IGSF9B: variants seen among roughly 807,000 people sequenced by gnomAD.
IGSF9B encodes immunoglobulin superfamily member 9B, also known as protein turtle homolog B.
A neutral mutation model predicts 143.7 loss-of-function variants in IGSF9B; 48 were observed. The ratio of observed to expected loss-of-function variants is 0.33; its 90% CI spans 0.26 to 0.42. The LOEUF (loss-of-function observed/expected upper bound fraction) is 0.42, where lower values mean the gene tolerates loss of function less well. Ranked by LOEUF, IGSF9B falls within the 20% of genes least tolerant of loss-of-function variation. The pLI, the probability that IGSF9B is intolerant of heterozygous loss-of-function variation, is 1.00. For missense variants in IGSF9B, 1,706 were observed against 1,980.0 expected, an observed-to-expected ratio of 0.86 and a Z score of 2.63; for synonymous variants, 903 against 833.1, an observed-to-expected ratio of 1.08 and a Z score of -1.44.
In IGSF9B at chr11:133,904,464, T is replaced by C. The variant is rs1203975052; in HGVS notation, c.*4605A>G. On this transcript the variant is annotated 3_prime_UTR_variant, in exon 20 of 20. Transcript: ENST00000533871. ...CTAATTCTAGAAGAAGCAAGGAAGA[T>C]CTAGCTAAGAAGCAAGACCTCTCCC... Among the ~76,000 whole-genome samples, 2 of 152,062 alleles carry C rather than the reference T, an allele frequency of 1.3e-5. No individual in the cohort carries two copies. The highest frequency in any genetic ancestry group is 4.8e-5 in the African/African-American group (2 of 41,394).
Position 133,944,257 on chromosome 11 carries a change from G to T in IGSF9B, c.372C>A (p.Thr124=), listed in dbSNP as rs1196418875. Residue 124 remains threonine, a synonymous_variant, in exon 3 of 20, where the codon ACC becomes ACA. Coordinates refer to ENST00000533871, the MANE Select transcript of IGSF9B (RefSeq NM_001277285.4). ...KVLMLDQQYD[T]FHNGSWVHLT... Reference sequence around the variant, plus strand: ...GGTGGACCCAGCTGCCATTGTGGAAGGTGTCATACTGCTGGTCCAGCATGA... The same window carrying T: ...GGTGGACCCAGCTGCCATTGTGGAATGTGTCATACTGCTGGTCCAGCATGA... 1.2e-6 allele frequency: 2 copies of T among 1,612,750 alleles called. No homozygotes were observed. The highest frequency in any genetic ancestry group is 1.7e-6 in the Non-Finnish European group (2 of 1,179,228).
chr11:133,937,199 T>C (rs1295599967), intron 5 of IGSF9B, among the ~76,000 whole-genome samples, 177 bp downstream of exon 5: 6 of 152,288 alleles, frequency 3.9e-5, no homozygotes, highest in Admixed American at 2.0e-4. Flanking sequence ...AGGCAGCCGG[T>C]GCAGGAGCTC....
Position 133,920,848 on chromosome 11 carries a change from C to T in IGSF9B, c.2877G>A (p.Arg959=). Residue 959 remains arginine, a synonymous_variant, in exon 18 of 20, where the codon CGG becomes CGA. Coordinates refer to ENST00000533871, the MANE Select transcript of IGSF9B (RefSeq NM_001277285.4). ...ATGQARPPAP[R]PFHHGQYYGY... ...CATAATACTGGCCATGGTGGAAGGG[C>T]CGGGGGGCAGGGGGCCGGGCCTGGC... The T allele has an allele frequency of 6.2e-7, 1 of 1,600,186 alleles. No homozygotes were observed. Among genetic ancestry groups the T allele is most frequent in the African/African-American group, 1.3e-5 (1 of 74,436 alleles).
At chr11:133,918,200 G>A (rs1275948729) in intron 18 of IGSF9B, among the ~76,000 whole-genome samples, 2 of 152,192 alleles carry the variant, frequency 1.3e-5, no homozygotes, top group South Asian at 2.1e-4. Flanking sequence ...GCAATGGCCC[G>A]GCCGAAGCCC....
At chr11:133,938,354 C>T (rs1000309837) in intron 3 of IGSF9B, among the ~76,000 whole-genome samples, 4 of 152,166 alleles carry the variant, frequency 2.6e-5, no homozygotes, top group South Asian at 2.1e-4. Flanking sequence ...CAGGCCCCCG[C>T]GTTTCCAGGA....
At chr11:133,911,220 A>G (rs1295547533) in intron 19 of IGSF9B, among the ~76,000 whole-genome samples, 2 of 152,228 alleles carry the variant, frequency 1.3e-5, no homozygotes, top group African/African-American at 4.8e-5. Flanking sequence ...AGTCCTTAAG[A>G]GGGCTAAATT....
chr11:133,936,550 C>G lies in IGSF9B; in HGVS notation c.680-356G>C, dbSNP rs184365065. On this transcript the variant is annotated intron_variant, in intron 5 of 19. Transcript: ENST00000533871. ...CGTGGGCTGCTCCCCAGCCAGAAAT[C>G]AAGAGGGCAGCTGGGGGTGCAGGGG... is the stretch of plus-strand genomic sequence containing the variant. 2.0e-3 allele frequency among the ~76,000 whole-genome samples: 300 copies of G among 152,328 alleles called. 7 individuals carry two copies. Among genetic ancestry groups the G allele is most frequent in the Non-Finnish European group, 6.5e-4 (44 of 68,028 alleles).
chr11:133,925,799 C>T lies in IGSF9B; in HGVS notation c.1974G>A (p.Glu658=), dbSNP rs376851885. ...TGCCGGGGATGCCATCGTCGAGCAACTCCCAGCGCTCTGCGACACGGAACT... is the reference window on the plus strand; with the variant it reads ...TGCCGGGGATGCCATCGTCGAGCAATTCCCAGCGCTCTGCGACACGGAACT... ...IMEFRVAERW[E]LLDDGIPGTE... The change falls in exon 14 of 20, where the codon GAG becomes GAA. Residue 658 remains glutamate (E), a synonymous_variant. Transcript: ENST00000533871. 42 of 1,613,948 alleles carry T rather than the reference C, an allele frequency of 2.6e-5. No homozygotes were observed. In the African/African-American group the frequency reaches 5.3e-4, roughly 20 times the overall value.
chr11:133,922,594 G>A lies in IGSF9B; in HGVS notation c.2256C>T (p.Arg752=). ...CTTTTTTGCGCTTGAGCTTACGCTT[G>A]CGCTGCTTGTTGACAAAGCAGGCAG... ...TLAACFVNKQ[R]KRKLKRKKDP... Residue 752 remains arginine, a synonymous_variant, in exon 16 of 20, where the codon CGC becomes CGT. Transcript: ENST00000533871. The A allele has an allele frequency of 1.2e-6, 2 of 1,611,830 alleles. No homozygotes were observed. The highest frequency in any genetic ancestry group is 1.7e-6 in the Non-Finnish European group (2 of 1,179,086).
intron 15 of IGSF9B, 108 bp from the exon 16 acceptor site, chr11:133,922,838 G>A: frequency 9.2e-7 from 1 of 1,090,656 alleles, no homozygotes; most frequent in African/African-American, 1.6e-5. Flanking sequence ...AACAGACAGT[G>A]TCAAGGCTCG....
Position 133,935,923 on chromosome 11 carries a change from C to T in IGSF9B, c.821+130G>A, listed in dbSNP as rs191968551. The T allele has an allele frequency of 3.1e-4, 434 of 1,386,258 alleles. 8 individuals carry two copies. The East Asian group carries it at 9.8e-3, about 31-fold the overall frequency. 85.9% of individuals were successfully genotyped at this position (1,386,258 alleles called of 1,614,324 possible). On this transcript the variant is annotated intron_variant, in intron 6 of 19. Coordinates refer to ENST00000533871, the MANE Select transcript of IGSF9B (RefSeq NM_001277285.4). ...CCCTGGCCTTGGCATGTGAGACACA[C>T]GGACCAGACTGCCCACCTCCCCCAG...
chr11:133,931,560 AG>A lies in IGSF9B; in HGVS notation c.1260del (p.Tyr421IlefsTer37). The A allele has an allele frequency of 1.2e-6, 2 of 1,612,916 alleles. No homozygotes were observed. Among genetic ancestry groups the A allele is most frequent in the Non-Finnish European group, 1.7e-6 (2 of 1,179,642 alleles). ...APARLVLKDP[P>X]YFTVLPGWEY... ...TCCCAGCCTGGTAGCACCGTGAAAT[AG>A]GGGGGGTCCTGGGGAGGAAAGCACA... is the stretch of plus-strand genomic sequence containing the variant. On this transcript the variant is annotated frameshift_variant, in exon 10 of 20. Coordinates refer to ENST00000533871, the MANE Select transcript of IGSF9B (RefSeq NM_001277285.4). LOFTEE classifies it high-confidence loss of function. This position sits in a 1 kb window ranked among gnomAD's most constrained non-coding sequence, Gnocchi z 7.7.
Position 133,935,598 on chromosome 11 carries a change from C to T in IGSF9B, c.967+19G>A, listed in dbSNP as rs1336104009. On this transcript the variant is annotated intron_variant, in intron 7 of 19. Coordinates refer to ENST00000533871, the MANE Select transcript of IGSF9B (RefSeq NM_001277285.4). ...TTCTGGGAGCCCCACCACCCAGGCTCCCCTGCACCCCTACTCACACTGCAC... is the reference window on the plus strand; with the variant it reads ...TTCTGGGAGCCCCACCACCCAGGCTTCCCTGCACCCCTACTCACACTGCAC... 1 of 1,603,592 alleles carries T rather than the reference C, an allele frequency of 6.2e-7. No homozygotes were observed. The highest frequency in any genetic ancestry group is 8.5e-7 in the Non-Finnish European group (1 of 1,175,796).
chr11:133,952,961 A>G (rs1215536580), intron 1 of IGSF9B, among the ~76,000 whole-genome samples: 2 of 152,180 alleles, frequency 1.3e-5, no homozygotes, highest in Non-Finnish European at 2.9e-5. Context: ...TGAGAAGGCC[A>G]CAGGATGTGG....
In IGSF9B at chr11:133,908,890, C is replaced by G; in HGVS notation, c.*179G>C. 3 of 601,686 alleles carry G rather than the reference C, an allele frequency of 5.0e-6. No homozygotes were observed. The highest frequency in any genetic ancestry group is 8.8e-6 in the Non-Finnish European group (3 of 342,156). The allele number at this position is 601,686 out of a possible 1,614,324, so 37.3% of individuals were successfully genotyped here. ...ACAGGTGGAAGGTGTGCCCACCCTC[C>G]GTCCTGAAGACAGGCGGCCAGGATC... On this transcript the variant is annotated 3_prime_UTR_variant, in exon 20 of 20. Coordinates refer to ENST00000533871, the MANE Select transcript of IGSF9B (RefSeq NM_001277285.4).
chr11:133,940,052 A>G (rs1479579403), intron 3 of IGSF9B, among the ~76,000 whole-genome samples: 1 of 121,422 alleles, frequency 8.2e-6, no homozygotes, highest in Admixed American at 8.2e-5. Context: ...ATGTCCTCGC[A>G]CGTGTCATCA....
At chr11:133,918,828 C>G (rs1591710076) in intron 18 of IGSF9B, among the ~76,000 whole-genome samples, 2 of 149,556 alleles carry the variant, frequency 1.3e-5, no homozygotes, top group African/African-American at 2.5e-5. Context: ...GAGAAGAGGG[C>G]GGGGGACGGG....
At chr11:133,924,192 C>A (rs1347520836) in intron 15 of IGSF9B, among the ~76,000 whole-genome samples, 7 of 152,286 alleles carry the variant, frequency 4.6e-5, no homozygotes, top group Non-Finnish European at 1.5e-5. Flanking sequence ...AAGCAAGAGC[C>A]TTTTCCCATA....
Position 133,920,618 on chromosome 11 carries a change from G to T in IGSF9B, c.3107C>A (p.Ser1036Tyr). ...TTCTGGCCGGCCCCAGGGCTCAGGGGAGCGCCCTCCTGTAGGTGTCTGAGT... is the reference window on the plus strand; with the variant it reads ...TTCTGGCCGGCCCCAGGGCTCAGGGTAGCGCCCTCCTGTAGGTGTCTGAGT... ...PLTQTPTGGR[S>Y]PEPWGRPEFP... Residue 1036 changes from serine (S) to tyrosine (Y), a missense_variant, in exon 18 of 20, where the codon TCC (serine) becomes TAC (tyrosine). Transcript: ENST00000533871. The T allele has an allele frequency of 6.2e-7, 1 of 1,613,510 alleles. No individual in the cohort carries two copies. Among genetic ancestry groups the T allele is most frequent in the Non-Finnish European group, 8.5e-7 (1 of 1,179,818 alleles).
Sources: gnomAD v4.1 joint callset for allele counts (sites outside exome capture counted in the v4.1 genomes callset) on GRCh38, gnomAD v4.1.1 for gene constraint, Gnocchi (gnomAD v3.1) non-coding constraint, MANE v1.5 for transcripts, NCBI Gene and HGNC (gene_info 2026-07-23, HGNC 2026-07-21) for gene names.